RING1: variants seen among roughly 807,000 people sequenced by gnomAD.
The protein encoded by RING1 is ring finger protein 1.
Under a neutral mutation model 35.0 loss-of-function variants are expected in RING1, and 8 were observed. The observed-to-expected ratio is 0.23, with a 90% CI of 0.13 to 0.41. The LOEUF (loss-of-function observed/expected upper bound fraction) is 0.41. RING1 is among the 10% of genes least tolerant of loss of function. RING1 has a pLI of 1.00. For synonymous variants in RING1, 214 were observed against 224.3 expected, an observed-to-expected ratio of 0.95 and a Z score of 0.41; for missense variants, 343 against 546.8, an observed-to-expected ratio of 0.63 and a Z score of 3.72.
chr6:33,208,928 AC>A lies in RING1; in HGVS notation c.78+33del, dbSNP rs1425340134. 7.6e-6 allele frequency: 12 copies of A among 1,573,966 alleles called. 1 individual carries two copies. In the South Asian group the frequency reaches 1.2e-4, roughly 16 times the overall value. On this transcript the variant is annotated intron_variant, in intron 2 of 6. Coordinates refer to ENST00000374656, the MANE Select transcript of RING1 (RefSeq NM_002931.4). This position sits in a 1 kb window ranked among gnomAD's most constrained non-coding sequence, Gnocchi z 6.2. ...GACAGGCATTCTCCCTTTCAGGCTT[AC>A]CCCCTCCCCCAAACCCTTATATCCA...
In RING1 at chr6:33,209,101, G is replaced by A. The variant is rs1468713850; in HGVS notation, c.78+201G>A. ...CAGCCCTGCCAGAGAGGTGGAACAA[G>A]TATTATTATCTTCATTTGAAAGATC... On this transcript the variant is annotated intron_variant, in intron 2 of 6. Coordinates refer to ENST00000374656, the MANE Select transcript of RING1 (RefSeq NM_002931.4). The surrounding 1 kb of genome is among the most constrained non-coding windows in gnomAD (Gnocchi z 5.1). The A allele has an allele frequency of 1.4e-6, 1 of 703,264 alleles. No homozygotes were observed. Among genetic ancestry groups the A allele is most frequent in the African/African-American group, 1.7e-5 (1 of 57,358 alleles). The allele number at this position is 703,264 out of a possible 1,614,324, so 43.6% of individuals were successfully genotyped here. A position where few individuals can be genotyped will look rare whatever the true frequency, so the allele number is the denominator to read the frequency against.
In RING1 at chr6:33,211,419, G is replaced by A; in HGVS notation, c.717G>A (p.Leu239=). 1 of 1,568,910 alleles carries A rather than the reference G, an allele frequency of 6.4e-7. No homozygotes were observed. Among genetic ancestry groups the A allele is most frequent in the African/African-American group, 1.4e-5 (1 of 73,780 alleles). Residue 239 remains leucine, a synonymous_variant, in exon 5 of 7, where the codon CTG becomes CTA. Coordinates refer to ENST00000374656, the MANE Select transcript of RING1 (RefSeq NM_002931.4). The surrounding 1 kb of genome is among the most constrained non-coding windows in gnomAD (Gnocchi z 6.3). ...SEDSGDRGGT[L]GGGTLGPPSP... is the part of the protein sequence containing the mutation. ...ACTCTGGTGACCGGGGAGGGACTCTGGGAGGGGGAACGCTGGGCCCCCCAA... is the reference window on the plus strand; with the variant it reads ...ACTCTGGTGACCGGGGAGGGACTCTAGGAGGGGGAACGCTGGGCCCCCCAA...
In RING1 at chr6:33,209,008, G is replaced by A; in HGVS notation, c.78+108G>A. On this transcript the variant is annotated intron_variant, in intron 2 of 6. Transcript: ENST00000374656. This position sits in a 1 kb window ranked among gnomAD's most constrained non-coding sequence, Gnocchi z 5.1. ...TAATTTGCTCTATTCTGCCTTGCCT[G>A]GCCCTACCTTTGAATCACCTTAATC... 1 of 930,498 alleles carries A rather than the reference G, an allele frequency of 1.1e-6. No homozygotes were observed. Among genetic ancestry groups the A allele is most frequent in the Non-Finnish European group, 1.7e-6 (1 of 580,432 alleles). The allele number at this position is 930,498 out of a possible 1,614,324, so 57.6% of individuals were successfully genotyped here.
chr6:33,212,230 A>G (rs1236800574), intron 6 of RING1, 68 bp from the exon 7 acceptor site: 113 of 1,198,998 alleles, frequency 9.4e-5, no homozygotes, highest in Non-Finnish European at 1.3e-4. Context: ...CCTCTCATTC[A>G]TTTCCTTTTC....
In RING1 at chr6:33,209,593, C is replaced by A. The variant is rs752298137; in HGVS notation, c.79-33C>A. On this transcript the variant is annotated intron_variant, in intron 2 of 6. Transcript: ENST00000374656. The surrounding 1 kb of genome is among the most constrained non-coding windows in gnomAD (Gnocchi z 5.1). ...TTTCTAAAACCCCTTTCCCTCTAACCCACACCACCTTTCTACTCACTGATG... is the reference window on the plus strand; with the variant it reads ...TTTCTAAAACCCCTTTCCCTCTAACACACACCACCTTTCTACTCACTGATG... 7.2e-5 allele frequency: 115 copies of A among 1,602,100 alleles called. 1 individual carries two copies. Among genetic ancestry groups the A allele is most frequent in the Non-Finnish European group, 8.5e-5 (100 of 1,172,420 alleles).
At position 33,211,370 on chromosome 6, in the gene RING1, T is replaced by C. The variant is rs1176231451; in HGVS notation, c.668T>C (p.Val223Ala). Residue 223 changes from valine (V) to alanine (A), a missense_variant, in exon 5 of 7, where the codon GTG (valine) becomes GCG (alanine). Physicochemically the swap from Val to Ala is moderately conservative, Grantham distance 64 (BLOSUM62 0). Transcript: ENST00000374656. This position sits in a 1 kb window ranked among gnomAD's most constrained non-coding sequence, Gnocchi z 6.3. ...VGTGGGGTGG[V>A]GGGAGSEDSG... Reference sequence around the variant, plus strand: ...ACAGGGGGAGGCGGCACTGGTGGGGTGGGTGGGGGTGCCGGTTCGGAAGAC... The same window carrying C: ...ACAGGGGGAGGCGGCACTGGTGGGGCGGGTGGGGGTGCCGGTTCGGAAGAC... The C allele has an allele frequency of 1.5e-5, 10 of 684,322 alleles. No homozygotes were observed. Among genetic ancestry groups the C allele is most frequent in the African/African-American group, 3.7e-5 (1 of 26,902 alleles). 42.4% of individuals were successfully genotyped at this position (684,322 alleles called of 1,614,324 possible). A position where few individuals can be genotyped will look rare whatever the true frequency, so the allele number is the denominator to read the frequency against.
chr6:33,211,640 C>G lies in RING1; in HGVS notation c.846-89C>G. On this transcript the variant is annotated intron_variant, in intron 5 of 6. Coordinates refer to ENST00000374656, the MANE Select transcript of RING1 (RefSeq NM_002931.4). This position sits in a 1 kb window ranked among gnomAD's most constrained non-coding sequence, Gnocchi z 6.3. ...GCTTTGCCCAAACCCAAAATACCAC[C>G]CCAACCCAGAATCCATTTTGGAAAG... is the stretch of plus-strand genomic sequence containing the variant. The G allele has an allele frequency of 6.5e-7, 1 of 1,547,736 alleles. No homozygotes were observed. Among genetic ancestry groups the G allele is most frequent in the South Asian group, 1.2e-5 (1 of 80,558 alleles).
rs1430579110 is a variant in RING1 at position 33,209,924 on chromosome 6, G to A, written c.249G>A (p.Glu83=). Residue 83 remains glutamate (E), a synonymous_variant, in exon 4 of 7, where the codon GAG becomes GAA. Transcript: ENST00000374656. This position sits in a 1 kb window ranked among gnomAD's most constrained non-coding sequence, Gnocchi z 5.1. ...CCTTCTCCTACCCCAGGAACAAGGA[G>A]TGTCCTACCTGCCGAAAGAAGCTGG... ...IVTALRSGNK[E]CPTCRKKLVS... 1.9e-6 allele frequency: 3 copies of A among 1,614,058 alleles called. No homozygotes were observed. Among genetic ancestry groups the A allele is most frequent in the Non-Finnish European group, 2.5e-6 (3 of 1,180,048 alleles).
rs752021849 is a variant in RING1, at chr6:33,208,930, C to G, written c.78+30C>G. ...CAGGCATTCTCCCTTTCAGGCTTACCCCCTCCCCCAAACCCTTATATCCAC... is the reference window on the plus strand; with the variant it reads ...CAGGCATTCTCCCTTTCAGGCTTACGCCCTCCCCCAAACCCTTATATCCAC... On this transcript the variant is annotated intron_variant, in intron 2 of 6. Coordinates refer to ENST00000374656, the MANE Select transcript of RING1 (RefSeq NM_002931.4). This position sits in a 1 kb window ranked among gnomAD's most constrained non-coding sequence, Gnocchi z 6.2. 3.2e-6 allele frequency: 5 copies of G among 1,569,770 alleles called. No homozygotes were observed. Among genetic ancestry groups the G allele is most frequent in the Non-Finnish European group, 4.4e-6 (5 of 1,145,282 alleles).
rs1775531163 is a variant in RING1 at position 33,211,444 on chromosome 6, A to G, written c.742A>G (p.Ser248Gly). ...TLGGGTLGPP[S>G]PPGAPSPPEP... The stretch of plus-strand genomic sequence containing the variant: ...GGGAGGGGGAACGCTGGGCCCCCCA[A>G]GCCCTCCTGGGGCCCCCAGCCCCCC... Residue 248 changes from serine to glycine, a missense_variant, in exon 5 of 7, where the codon AGC becomes GGC. Around this residue, in one of 2 missense-constraint regions of RING1, gnomAD observed 278 missense variants for 383.5 expected, o/e 0.72. Coordinates refer to ENST00000374656, the MANE Select transcript of RING1 (RefSeq NM_002931.4). The surrounding 1 kb of genome is among the most constrained non-coding windows in gnomAD (Gnocchi z 6.3). 6.3e-7 allele frequency: 1 copy of G among 1,588,150 alleles called. No homozygotes were observed. Among genetic ancestry groups the G allele is most frequent in the Non-Finnish European group, 8.6e-7 (1 of 1,167,136 alleles).
At position 33,212,639 on chromosome 6, in the gene RING1, G is replaced by C. The variant is rs7775179; in HGVS notation, c.*240G>C. 7.2e-6 allele frequency: 3 copies of C among 418,914 alleles called. No homozygotes were observed. Among genetic ancestry groups the C allele is most frequent in the Non-Finnish European group, 8.4e-6 (2 of 236,770 alleles). 25.9% of individuals were successfully genotyped at this position (418,914 alleles called of 1,614,324 possible). A position where few individuals can be genotyped will look rare whatever the true frequency, so the allele number is the denominator to read the frequency against. On this transcript the variant is annotated 3_prime_UTR_variant, in exon 7 of 7. Coordinates refer to ENST00000374656, the MANE Select transcript of RING1 (RefSeq NM_002931.4). ...TTGCCCTGCAACGTCCCATCTATACGAGGTGTTGGAGAAGGTGAAGAACCC... is the reference window on the plus strand; with the variant it reads ...TTGCCCTGCAACGTCCCATCTATACCAGGTGTTGGAGAAGGTGAAGAACCC...
In RING1 at chr6:33,211,074, T is replaced by C. The variant is rs1775490746; in HGVS notation, c.456-84T>C. Reference sequence around the variant, plus strand: ...AATATTAGGTATCGTCATTAGGATTTTTCTTATCTCTTAATTCTCTGAAGT... The same window carrying C: ...AATATTAGGTATCGTCATTAGGATTCTTCTTATCTCTTAATTCTCTGAAGT... On this transcript the variant is annotated intron_variant, in intron 4 of 6. Transcript: ENST00000374656. This position sits in a 1 kb window ranked among gnomAD's most constrained non-coding sequence, Gnocchi z 6.3. 7.0e-7 allele frequency: 1 copy of C among 1,434,212 alleles called. No individual in the cohort carries two copies. Among genetic ancestry groups the C allele is most frequent in the Non-Finnish European group, 9.3e-7 (1 of 1,069,716 alleles). The allele number at this position is 1,434,212 out of a possible 1,614,324, so 88.8% of individuals were successfully genotyped here.
chr6:33,208,757 A>G lies in RING1; in HGVS notation c.-58-8A>G. ...CTGACGCCCTCCTCCCCTTCCCCCC[A>G]CCCCCAGCCTTCTTCGCCTTCTCCT... On this transcript the variant is annotated splice_polypyrimidine_tract_variant and splice_region_variant and intron_variant, in intron 1 of 6. Coordinates refer to ENST00000374656, the MANE Select transcript of RING1 (RefSeq NM_002931.4). This position sits in a 1 kb window ranked among gnomAD's most constrained non-coding sequence, Gnocchi z 6.2. 2 of 1,093,456 alleles carry G rather than the reference A, an allele frequency of 1.8e-6. No individual in the cohort carries two copies. Among genetic ancestry groups the G allele is most frequent in the South Asian group, 2.1e-5 (1 of 47,546 alleles). The allele number at this position is 1,093,456 out of a possible 1,614,324, so 67.7% of individuals were successfully genotyped here.
Position 33,211,735 on chromosome 6 carries a change from G to A in RING1, c.852G>A (p.Val284=), listed in dbSNP as rs917386154. ...EKGEYCQTRY[V]KTTGNATVDH... Reference sequence around the variant, plus strand: ...GTCCTCCCTCCCATTCCAGGTATGTGAAGACAACTGGGAATGCCACAGTGG... The same window carrying A: ...GTCCTCCCTCCCATTCCAGGTATGTAAAGACAACTGGGAATGCCACAGTGG... The change falls in exon 6 of 7, where the codon GTG becomes GTA. Residue 284 remains valine (V), a synonymous_variant. Transcript: ENST00000374656. This position sits in a 1 kb window ranked among gnomAD's most constrained non-coding sequence, Gnocchi z 6.3. 1 of 1,544,314 alleles carries A rather than the reference G, an allele frequency of 6.5e-7. No homozygotes were observed.
rs1345303308 is a variant in RING1, at chr6:33,211,372, G to A, written c.670G>A (p.Gly224Ser). The change falls in exon 5 of 7, where the codon GGT becomes AGT. Residue 224 changes from glycine to serine, a missense_variant. By Grantham distance (56) the Gly-to-Ser change is moderately conservative (BLOSUM62 0). Around this residue, in one of 2 missense-constraint regions of RING1, gnomAD observed 278 missense variants for 383.5 expected, o/e 0.72. Coordinates refer to ENST00000374656, the MANE Select transcript of RING1 (RefSeq NM_002931.4). The surrounding 1 kb of genome is among the most constrained non-coding windows in gnomAD (Gnocchi z 6.3). ...AGGGGGAGGCGGCACTGGTGGGGTGGGTGGGGGTGCCGGTTCGGAAGACTC... is the reference window on the plus strand; with the variant it reads ...AGGGGGAGGCGGCACTGGTGGGGTGAGTGGGGGTGCCGGTTCGGAAGACTC... The part of the protein sequence containing the change: ...GTGGGGTGGV[G>S]GGAGSEDSGD... The A allele has an allele frequency of 3.2e-6, 5 of 1,562,844 alleles. No homozygotes were observed. The African/African-American group carries it at 6.8e-5, about 21-fold the overall frequency.
In RING1 at chr6:33,208,812, G is replaced by T. The variant is rs779870029; in HGVS notation, c.-11G>T. ...TGTGGAGCCCTGGTGGGGGGTCTGC[G>T]CCCGGTCACCATGACGACGCCGGCG... On this transcript the variant is annotated 5_prime_UTR_variant, in exon 2 of 7. Transcript: ENST00000374656. This position sits in a 1 kb window ranked among gnomAD's most constrained non-coding sequence, Gnocchi z 6.2. The T allele has an allele frequency of 3.8e-6, 6 of 1,596,598 alleles. No homozygotes were observed. Among genetic ancestry groups the T allele is most frequent in the Admixed American group, 3.4e-5 (2 of 59,180 alleles).
rs1775529427 is a variant in RING1 at position 33,211,436 on chromosome 6, GC to G, written c.740del (p.Pro247GlnfsTer38). On this transcript the variant is annotated frameshift_variant, in exon 5 of 7. Transcript: ENST00000374656. LOFTEE classifies it high-confidence loss of function. This position sits in a 1 kb window ranked among gnomAD's most constrained non-coding sequence, Gnocchi z 6.3. ...GGGACTCTGGGAGGGGGAACGCTGG[GC>G]CCCCCAAGCCCTCCTGGGGCCCCCA... ...RGGTLGGGTL[G>X]PPSPPGAPSP... 1.9e-6 allele frequency: 3 copies of G among 1,578,806 alleles called. No individual in the cohort carries two copies. The highest frequency in any genetic ancestry group is 2.6e-6 in the Non-Finnish European group (3 of 1,162,170).
At position 33,208,542 on chromosome 6, in the gene RING1, A is replaced by G; in HGVS notation, c.-161A>G. On this transcript the variant is annotated 5_prime_UTR_variant, in exon 1 of 7. Coordinates refer to ENST00000374656, the MANE Select transcript of RING1 (RefSeq NM_002931.4). The surrounding 1 kb of genome is among the most constrained non-coding windows in gnomAD (Gnocchi z 6.2). The stretch of plus-strand genomic sequence containing the variant: ...GGGCCATGGCGGCGGCGGTGGCGGG[A>G]GCTGCTGTCTGAGCAGCGGTTGCGG... 2.4e-6 allele frequency: 1 copy of G among 423,834 alleles called. No individual in the cohort carries two copies. Among genetic ancestry groups the G allele is most frequent in the Non-Finnish European group, 4.1e-6 (1 of 242,268 alleles). 26.3% of individuals were successfully genotyped at this position (423,834 alleles called of 1,614,324 possible).
At position 33,209,836 on chromosome 6, in the gene RING1, G is replaced by T. The variant is rs745765950; in HGVS notation, c.239+50G>T. On this transcript the variant is annotated intron_variant, in intron 3 of 6. Coordinates refer to ENST00000374656, the MANE Select transcript of RING1 (RefSeq NM_002931.4). This position sits in a 1 kb window ranked among gnomAD's most constrained non-coding sequence, Gnocchi z 5.1. The stretch of plus-strand genomic sequence containing the variant: ...TGAGATGAAGGGGTACAAAGTTAGG[G>T]CCCTCTCACTGGTCTTGGTTCAGCC... The T allele has an allele frequency of 6.2e-7, 1 of 1,611,958 alleles. No homozygotes were observed. Among genetic ancestry groups the T allele is most frequent in the Admixed American group, 1.7e-5 (1 of 59,962 alleles).
Sources: allele counts gnomAD v4.1 joint callset, GRCh38; gene constraint gnomAD v4.1.1; regional missense constraint gnomAD v4.1.1; non-coding constraint Gnocchi (gnomAD v3.1); transcripts MANE v1.5; gene names NCBI Gene and HGNC (gene_info 2026-07-23, HGNC 2026-07-21).